The following NME7 variants were observed in gnomAD, a reference collection of about 807,000 sequenced individuals.
NME7 encodes NME/NM23 family member 7.
Under a neutral mutation model 49.1 loss-of-function variants are expected in NME7, and 41 were observed. That is an observed-to-expected ratio of 0.83 (90% CI 0.65 to 1.08). NME7 has a LOEUF of 1.08. NME7 is among the 50% of genes least tolerant of loss of function. The pLI is 0.00. For synonymous variants in NME7, 139 were observed against 150.6 expected, an observed-to-expected ratio of 0.92 and a Z score of 0.56; for missense variants, 423 against 463.4, an observed-to-expected ratio of 0.91 and a Z score of 0.80.
In NME7 at chr1:169,257,191, G is replaced by C. The variant is rs549348159; in HGVS notation, c.755-19504C>G. ...GCTGCCACCTTGCAGTTTGATCTCA[G>C]ACTGCTGTGCTGGCAATCGGCGAGA... On this transcript the variant is annotated intron_variant, in intron 7 of 11. Coordinates refer to ENST00000367811, the MANE Select transcript of NME7 (RefSeq NM_013330.5). Among the ~76,000 whole-genome samples, 5 of 134,408 alleles carry C rather than the reference G, an allele frequency of 3.7e-5. No homozygotes were observed. In the East Asian group the frequency reaches 1.0e-3, roughly 27 times the overall value. 88.2% of individuals were successfully genotyped at this position (134,408 alleles called of 152,430 possible). A position where few individuals can be genotyped will look rare whatever the true frequency, so the allele number is the denominator to read the frequency against.
intron 10 of NME7, among the ~76,000 whole-genome samples, chr1:169,228,072 A>ACG (rs879738139): frequency 6.6e-6 from 1 of 151,386 alleles, no homozygotes; most frequent in African/African-American, 2.4e-5. Flanking sequence ...ACACACACAC[A>ACG]TATATACGTG....
At chr1:169,303,626 A>G (rs1651061155) in intron 4 of NME7, among the ~76,000 whole-genome samples, 1 of 151,828 alleles carries the variant, frequency 6.6e-6, no homozygotes, top group South Asian at 2.1e-4. Flanking sequence ...TAATTTTTGT[A>G]CTTTTACTAG....
chr1:169,142,690 G>A (rs561554871), intron 11 of NME7, among the ~76,000 whole-genome samples: 4 of 152,270 alleles, frequency 2.6e-5, no homozygotes, highest in African/African-American at 9.6e-5. Context: ...ATTCCTCAAT[G>A]GTAAAACCAA....
At chr1:169,174,202 C>G (rs185712881) in intron 10 of NME7, among the ~76,000 whole-genome samples, 1 of 152,040 alleles carries the variant, frequency 6.6e-6, no homozygotes, top group African/African-American at 2.4e-5. Flanking sequence ...TAGTGATTGG[C>G]AAAATACTGA....
At position 169,241,941 on chromosome 1, in the gene NME7, A is replaced by G. The variant is rs185961474; in HGVS notation, c.755-4254T>C. ...ATAAATATAAAAATACTTTTTAAAA[A>G]ATTTTAAAACAATAATTTATTTACT... On this transcript the variant is annotated intron_variant, in intron 7 of 11. Transcript: ENST00000367811. 8.9e-3 allele frequency among the ~76,000 whole-genome samples: 1,353 copies of G among 151,872 alleles called. 13 individuals carry two copies. Among genetic ancestry groups the G allele is most frequent in the African/African-American group, 0.031 (1,282 of 41,512 alleles).
At chr1:169,184,536 A>G (rs17349467) in intron 10 of NME7, among the ~76,000 whole-genome samples, 36,804 of 152,018 alleles carry the variant, frequency 0.24, 5,420 homozygotes, top group Non-Finnish European at 0.34. Flanking sequence ...TAGTATCACT[A>G]TTACCAAATG....
chr1:169,303,744 A>G (rs12063719), intron 4 of NME7, among the ~76,000 whole-genome samples: 10,446 of 152,160 alleles, frequency 0.069, 492 homozygotes, highest in East Asian at 0.12. Context: ...GAGCCACCGC[A>G]CCTGGCCTTA....
At chr1:169,144,733 C>CATTA (rs1410317503) in intron 11 of NME7, among the ~76,000 whole-genome samples, 1 of 152,146 alleles carries the variant, frequency 6.6e-6, no homozygotes, top group African/African-American at 2.4e-5. Flanking sequence ...CCAAAATTAT[C>CATTA]AATGTGAGAA....
chr1:169,138,237 G>C (rs373475436), intron 11 of NME7, among the ~76,000 whole-genome samples: 1 of 152,116 alleles, frequency 6.6e-6, no homozygotes, highest in East Asian at 1.9e-4. Context: ...CTTGAACCCC[G>C]GGGGTGGAGG....
chr1:169,227,106 GAATA>G (rs1647375912), intron 10 of NME7, among the ~76,000 whole-genome samples: 1 of 152,068 alleles, frequency 6.6e-6, no homozygotes, highest in African/African-American at 2.4e-5. Context: ...AATGTTCCTT[GAATA>G]AATACTTAGA....
chr1:169,137,799 C>T (rs1658474496), intron 11 of NME7, among the ~76,000 whole-genome samples: 1 of 152,134 alleles, frequency 6.6e-6, no homozygotes, highest in African/African-American at 2.4e-5. Flanking sequence ...TGGAAAGACT[C>T]AGAGGAAACA....
chr1:169,222,574 A>C (rs1661177493), intron 10 of NME7, among the ~76,000 whole-genome samples: 1 of 152,206 alleles, frequency 6.6e-6, no homozygotes, highest in Admixed American at 6.5e-5. Flanking sequence ...GACCAAATTG[A>C]CCAGACCTGC....
chr1:169,350,147 G>A (rs567160658), intron 1 of NME7, among the ~76,000 whole-genome samples: 15 of 150,570 alleles, frequency 1.0e-4, no homozygotes, highest in South Asian at 2.1e-4. Flanking sequence ...ACCCAAGATC[G>A]TGCCAAGAAA....
chr1:169,248,930 TTTG>T, intron 7 of NME7, among the ~76,000 whole-genome samples: 1 of 152,234 alleles, frequency 6.6e-6, no homozygotes, highest in East Asian at 1.9e-4. Context: ...TTCTTGTTTG[TTTG>T]TTTTTTTGCA....
chr1:169,311,570 G>A (rs1651392387), intron 3 of NME7, among the ~76,000 whole-genome samples: 1 of 151,974 alleles, frequency 6.6e-6, no homozygotes, highest in Non-Finnish European at 1.5e-5. Context: ...TTTTAAAGCA[G>A]ATGAGTCAGT....
rs547145967 is a variant in NME7, at chr1:169,255,332, T to G, written c.755-17645A>C. Among the ~76,000 whole-genome samples the G allele has an allele frequency of 3.8e-3, 503 of 133,400 alleles. 2 individuals carry two copies. The highest frequency in any genetic ancestry group is 0.013 in the African/African-American group (472 of 37,756). The allele number at this position is 133,400 out of a possible 152,430, so 87.5% of individuals were successfully genotyped here. A position where few individuals can be genotyped will look rare whatever the true frequency, so the allele number is the denominator to read the frequency against. ...CCATTATGTAATGGCCTTCTTTGTC[T>G]CTTTTGATCTTTGTTGGTTTAAAGT... On this transcript the variant is annotated intron_variant, in intron 7 of 11. Transcript: ENST00000367811.
intron 10 of NME7, among the ~76,000 whole-genome samples, chr1:169,173,803 C>T (rs1659672581): frequency 6.6e-6 from 1 of 152,130 alleles, no homozygotes; most frequent in African/African-American, 2.4e-5. Context: ...AGTTCCCCTC[C>T]CTTCAAGGAG....
At chr1:169,234,437 A>G (rs1647771685) in intron 9 of NME7, among the ~76,000 whole-genome samples, 1 of 152,156 alleles carries the variant, frequency 6.6e-6, no homozygotes, top group African/African-American at 2.4e-5. Flanking sequence ...CAGAAAATAC[A>G]GGTGTAAATA....
At chr1:169,279,652 T>C (rs1410188345) in intron 7 of NME7, among the ~76,000 whole-genome samples, 18 of 152,360 alleles carry the variant, frequency 1.2e-4, no homozygotes, top group Admixed American at 1.2e-3. Flanking sequence ...AGTGAGGCAA[T>C]GCCTCGCCCT....
Sources: gnomAD v4.1 joint callset for allele counts (sites outside exome capture counted in the v4.1 genomes callset) on GRCh38, gnomAD v4.1.1 for gene constraint, MANE v1.5 for transcripts, NCBI Gene and HGNC (gene_info 2026-07-23, HGNC 2026-07-21) for gene names.